CNTN1: variants seen among roughly 807,000 people sequenced by gnomAD.
CNTN1 encodes contactin-1.
Under a neutral mutation model 126.4 loss-of-function variants are expected in CNTN1, and 38 were observed. The observed-to-expected ratio is 0.30, with a 90% CI of 0.23 to 0.39. The LOEUF (loss-of-function observed/expected upper bound fraction) is 0.39. CNTN1 is among the 10% of genes least tolerant of loss of function. The pLI is 1.00. For synonymous variants in CNTN1, 413 were observed against 422.6 expected (o/e 0.98, Z 0.28); for missense variants, 1,009 against 1,248.4 (o/e 0.81, Z 2.89).
intron 17 of CNTN1, among the ~76,000 whole-genome samples, chr12:41,005,535 G>A (rs546216102): frequency 6.6e-6 from 1 of 152,146 alleles, no homozygotes; most frequent in Non-Finnish European, 1.5e-5. Context: ...TTCCAAGTTA[G>A]TTCCATTCTT....
chr12:40,837,161 C>T (rs1195261671), intron 1 of CNTN1, among the ~76,000 whole-genome samples: 1 of 152,098 alleles, frequency 6.6e-6, no homozygotes, highest in African/African-American at 2.4e-5. Flanking sequence ...TGGAGTGGGG[C>T]CTCAAGATGG....
chr12:40,794,946 C>T (rs1022891444), intron 1 of CNTN1, among the ~76,000 whole-genome samples: 1 of 151,976 alleles, frequency 6.6e-6, no homozygotes, highest in Non-Finnish European at 1.5e-5. Context: ...TTTGGCTAGG[C>T]TATAGTACTT....
intron 1 of CNTN1, among the ~76,000 whole-genome samples, chr12:40,868,432 G>A (rs1403141747): frequency 6.6e-6 from 1 of 152,094 alleles, no homozygotes; most frequent in African/African-American, 2.4e-5. Context: ...TACTTATGTG[G>A]TTCAACCTGA....
At chr12:40,872,571 C>CTTTTTTTTT (rs35866838) in intron 1 of CNTN1, among the ~76,000 whole-genome samples, 14 of 108,616 alleles carry the variant, frequency 1.3e-4, no homozygotes, top group South Asian at 3.1e-4. Context: ...TTTTTTCTTT[C>CTTTTTTTTT]TTTTTTTTTT....
intron 1 of CNTN1, among the ~76,000 whole-genome samples, chr12:40,841,240 A>G (rs1003238527): frequency 6.6e-6 from 1 of 152,080 alleles, no homozygotes; most frequent in Non-Finnish European, 1.5e-5. Context: ...ATCAGGAGGT[A>G]GAAAACCTAA....
intron 15 of CNTN1, among the ~76,000 whole-genome samples, chr12:40,975,077 G>A (rs1049954772): frequency 5.3e-5 from 8 of 150,822 alleles, no homozygotes; most frequent in African/African-American, 1.9e-4. Flanking sequence ...TGTTATACCA[G>A]AAAACCCTGT....
At chr12:41,017,462 AT>A (rs1365585657) in intron 19 of CNTN1, among the ~76,000 whole-genome samples, 1 of 151,574 alleles carries the variant, frequency 6.6e-6, no homozygotes, top group Non-Finnish European at 1.5e-5. Context: ...TAACCTAAAA[AT>A]GTGTTTAATT....
chr12:41,049,486 A>G (rs1435789920), intron 23 of CNTN1, among the ~76,000 whole-genome samples: 1 of 152,182 alleles, frequency 6.6e-6, no homozygotes, highest in Non-Finnish European at 1.5e-5. Context: ...TCATCAAGAA[A>G]TCCTGTTGGT....
At chr12:40,819,206 C>T (rs1186376990) in intron 1 of CNTN1, among the ~76,000 whole-genome samples, 1 of 152,130 alleles carries the variant, frequency 6.6e-6, no homozygotes, top group Non-Finnish European at 1.5e-5. Context: ...CACTTTATCC[C>T]TTGGTGGAAA....
intron 16 of CNTN1, among the ~76,000 whole-genome samples, chr12:40,983,634 G>T (rs1947876503): frequency 1.3e-5 from 2 of 151,016 alleles, no homozygotes; most frequent in East Asian, 1.9e-4. Context: ...TATCAGAATA[G>T]GTTTTATAAT....
rs1950167784 is a variant in CNTN1, at chr12:41,072,069, T to TA, written c.*2038dup. 1 of 152,224 alleles carries TA rather than the reference T, an allele frequency of 6.6e-6. No homozygotes were observed. 9.4% of individuals were successfully genotyped at this position (152,224 alleles called of 1,614,324 possible). A position where few individuals can be genotyped will look rare whatever the true frequency, so the allele number is the denominator to read the frequency against. Reference sequence around the variant, plus strand: ...AATTTCTGACAGAGATAAAGTAGTTTAAAATCTCTCGTACACTGATAACTC... The same window carrying TA: ...AATTTCTGACAGAGATAAAGTAGTTTAAAAATCTCTCGTACACTGATAACTC... On this transcript the variant is annotated 3_prime_UTR_variant, in exon 24 of 24. Transcript: ENST00000551295.
intron 1 of CNTN1, among the ~76,000 whole-genome samples, chr12:40,740,300 T>C (rs1215839976): frequency 6.6e-6 from 1 of 152,068 alleles, no homozygotes; most frequent in Non-Finnish European, 1.5e-5. Flanking sequence ...TACCCCAGTA[T>C]ATTTTAAAAT....
intron 1 of CNTN1, among the ~76,000 whole-genome samples, chr12:40,888,858 C>A (rs1018741342): frequency 6.6e-6 from 1 of 152,158 alleles, no homozygotes; most frequent in Admixed American, 6.5e-5. Context: ...AGGAAGAGAT[C>A]CTTTCCCCTG....
rs1210965821 is a variant in CNTN1 at position 40,958,806 on chromosome 12, T to G, written c.1684-308T>G. On this transcript the variant is annotated intron_variant, in intron 14 of 23. Coordinates refer to ENST00000551295, the MANE Select transcript of CNTN1 (RefSeq NM_001843.4). Reference sequence around the variant, plus strand: ...TATTGATACTTATTAGACCTTAATATTTCTCTTTAAGAGATATCAATGAAA... The same window carrying G: ...TATTGATACTTATTAGACCTTAATAGTTCTCTTTAAGAGATATCAATGAAA... Among the ~76,000 whole-genome samples, 3 of 152,194 alleles carry G rather than the reference T, an allele frequency of 2.0e-5. No individual in the cohort carries two copies. In the East Asian group the frequency reaches 5.8e-4, roughly 29 times the overall value.
intron 23 of CNTN1, among the ~76,000 whole-genome samples, chr12:41,063,107 T>G (rs1275056684): frequency 1.3e-5 from 2 of 152,264 alleles, no homozygotes; most frequent in Admixed American, 1.3e-4. Context: ...TGCTGAAAAA[T>G]TCGAACGCTG....
chr12:40,880,096 G>T (rs764654254), intron 1 of CNTN1, among the ~76,000 whole-genome samples: 2 of 151,992 alleles, frequency 1.3e-5, no homozygotes, highest in Non-Finnish European at 2.9e-5. Flanking sequence ...TTTATTTGAG[G>T]TGACGCAAAG....
intron 1 of CNTN1, among the ~76,000 whole-genome samples, chr12:40,719,024 A>G (rs7133642): frequency 0.61 from 92,551 of 151,682 alleles, 29,026 homozygotes; most frequent in East Asian, 0.84. Context: ...AACAGAGGCT[A>G]TTTGAGATCA....
chr12:41,007,120 C>T (rs949134288), intron 17 of CNTN1, among the ~76,000 whole-genome samples: 9 of 114,692 alleles, frequency 7.8e-5, no homozygotes, highest in South Asian at 6.2e-4. Context: ...AGTGCAGTGG[C>T]GGGATCTCGG....
intron 1 of CNTN1, among the ~76,000 whole-genome samples, chr12:40,827,422 T>C (rs111557145): frequency 0.17 from 20,614 of 123,694 alleles, 1,594 homozygotes; most frequent in Middle Eastern, 0.24. Context: ...AAATGAGTCC[T>C]GGTAAAAATC....
Sources: allele counts gnomAD v4.1 joint callset (sites outside exome capture counted in the v4.1 genomes callset), GRCh38; gene constraint gnomAD v4.1.1; transcripts MANE v1.5; gene names NCBI Gene and HGNC (gene_info 2026-07-23, HGNC 2026-07-21).